UTP14C: variants seen among roughly 807,000 people sequenced by gnomAD.
The protein encoded by UTP14C is UTP14C small subunit processome component, also known as U3 small nucleolar RNA-associated protein 14 homolog C.
In UTP14C, 10 loss-of-function variants were observed where a neutral mutation model predicts 14.6. The observed-to-expected ratio is 0.68, with a 90% CI of 0.42 to 1.16. The LOEUF (loss-of-function observed/expected upper bound fraction) is 1.16. Among genes scored for constraint, UTP14C ranks in the 50% most tolerant of loss-of-function variants. The pLI, the probability that UTP14C is intolerant of heterozygous loss-of-function variation, is 0.00. For missense variants in UTP14C, 818 were observed against 890.8 expected, an observed-to-expected ratio of 0.92 and a Z score of 1.04; for synonymous variants, 315 against 331.6, an observed-to-expected ratio of 0.95 and a Z score of 0.54.
chr13:52,029,899 G>C lies in UTP14C; in HGVS notation c.1095G>C (p.Met365Ile). The change falls in exon 2 of 2, where the codon ATG becomes ATC. Residue 365 changes from methionine (M) to isoleucine (I), a missense_variant. Met to Ile is a conservative substitution (Grantham distance 10). Transcript: ENST00000521776. ...CTCATGTAGCGAATGAAGTGCAGAT[G>C]AATGTGGACGGACCGAATCCCTGGA... ...LVPHVANEVQ[M>I]NVDGPNPWMF... 1 of 1,614,208 alleles carries C rather than the reference G, an allele frequency of 6.2e-7. No individual in the cohort carries two copies. The highest frequency in any genetic ancestry group is 8.5e-7 in the Non-Finnish European group (1 of 1,180,036).
Position 52,024,910 on chromosome 13 carries a change from A to T in UTP14C, c.-514A>T. 6.2e-7 allele frequency: 1 copy of T among 1,611,246 alleles called. No individual in the cohort carries two copies. Among genetic ancestry groups the T allele is most frequent in the Non-Finnish European group, 8.5e-7 (1 of 1,180,026 alleles). The stretch of plus-strand genomic sequence containing the variant: ...GTCTGAAGCAACAATTGGTCTGCAT[A>T]CCATGTGGAACGAGCATTTTGGGAT... On this transcript the variant is annotated 5_prime_UTR_variant, in exon 1 of 2. Coordinates refer to ENST00000521776, the MANE Select transcript of UTP14C (RefSeq NM_021645.6).
In UTP14C at chr13:52,028,699, A is replaced by G. The variant is rs1954266062; in HGVS notation, c.-106A>G. ...TTTGTCAAATCATTTTACTTTAGAA[A>G]ACAGACAAAATTTCCTTTTAGAATA... is the stretch of plus-strand genomic sequence containing the variant. On this transcript the variant is annotated 5_prime_UTR_variant, in exon 2 of 2. Coordinates refer to ENST00000521776, the MANE Select transcript of UTP14C (RefSeq NM_021645.6). The G allele has an allele frequency of 6.4e-7, 1 of 1,573,908 alleles. No individual in the cohort carries two copies. Among genetic ancestry groups the G allele is most frequent in the East Asian group, 2.3e-5 (1 of 43,358 alleles).
At position 52,030,160 on chromosome 13, in the gene UTP14C, G is replaced by T; in HGVS notation, c.1356G>T (p.Gln452His). The part of the protein sequence containing the change: ...SSQETKDSSS[Q>H]EVLSELRALS... ...AAGAAACAAAAGATTCTAGCAGCCAGGAGGTGCTGTCCGAATTGAGGGCAC... is the reference window on the plus strand; with the variant it reads ...AAGAAACAAAAGATTCTAGCAGCCATGAGGTGCTGTCCGAATTGAGGGCAC... The change falls in exon 2 of 2, where the codon CAG becomes CAT. Residue 452 changes from glutamine to histidine, a missense_variant. Physicochemically the swap from Gln to His is conservative, Grantham distance 24 (BLOSUM62 0). Coordinates refer to ENST00000521776, the MANE Select transcript of UTP14C (RefSeq NM_021645.6). 6.2e-7 allele frequency: 1 copy of T among 1,614,216 alleles called. No homozygotes were observed. Among genetic ancestry groups the T allele is most frequent in the Non-Finnish European group, 8.5e-7 (1 of 1,180,040 alleles).
rs149032027 is a variant in UTP14C, at chr13:52,028,331, G to T, written c.-474G>T. On this transcript the variant is annotated 5_prime_UTR_variant, in exon 2 of 2. Transcript: ENST00000521776. ...TTTTTTTTCTCAGGAGTTGTGGAGT[G>T]TATGGCAGCTGGCACAATTATCCTT... 1.4e-5 allele frequency: 22 copies of T among 1,614,022 alleles called. No homozygotes were observed. In the African/African-American group the frequency reaches 2.4e-4, roughly 18 times the overall value.
Position 52,031,922 on chromosome 13 carries a change from GA to G in UTP14C, c.*821del, listed in dbSNP as rs1954310188. The G allele has an allele frequency of 6.0e-6, 1 of 167,014 alleles. No homozygotes were observed. Among genetic ancestry groups the G allele is most frequent in the African/African-American group, 2.4e-5 (1 of 41,446 alleles). 10.3% of individuals were successfully genotyped at this position (167,014 alleles called of 1,614,324 possible). On this transcript the variant is annotated 3_prime_UTR_variant, in exon 2 of 2. Transcript: ENST00000521776. ...GATGGAAAGTAGATGAAACTACTTT[GA>G]AAATTACGACAGTTAAGGGCTGGGT...
chr13:52,030,346 G>C lies in UTP14C; in HGVS notation c.1542G>C (p.Glu514Asp), dbSNP rs776882143. ...ERVQTLEELE[E>D]LGKEDCFQNK... ...TACAAACTCTGGAAGAGCTAGAAGA[G>C]CTGGGAAAAGAAGATTGTTTTCAAA... The change falls in exon 2 of 2, where the codon GAG (glutamate) becomes GAC (aspartate). Residue 514 changes from glutamate to aspartate, a missense_variant. By Grantham distance (45) the Glu-to-Asp change is conservative (BLOSUM62 2). Transcript: ENST00000521776. The C allele has an allele frequency of 3.1e-6, 5 of 1,614,214 alleles. No individual in the cohort carries two copies. Among genetic ancestry groups the C allele is most frequent in the Non-Finnish European group, 3.4e-6 (4 of 1,180,038 alleles).
In UTP14C at chr13:52,029,164, C is replaced by G; in HGVS notation, c.360C>G (p.Asn120Lys). The part of the protein sequence containing the change: ...KSKKVVELPL[N>K]KEKIEQIHRE... ...AGAAGGTGGTGGAGTTACCTCTTAA[C>G]AAAGAAAAAATTGAACAGATCCACA... Residue 120 changes from asparagine (N) to lysine (K), a missense_variant, in exon 2 of 2, where the codon AAC (asparagine) becomes AAG (lysine). Physicochemically the swap from Asn to Lys is moderately conservative, Grantham distance 94. Transcript: ENST00000521776. 1 of 1,614,130 alleles carries G rather than the reference C, an allele frequency of 6.2e-7. No homozygotes were observed. The highest frequency in any genetic ancestry group is 1.1e-5 in the South Asian group (1 of 91,082).
intron 1 of UTP14C, among the ~76,000 whole-genome samples, chr13:52,026,257 T>G (rs1593904487): frequency 6.7e-6 from 1 of 149,504 alleles, no homozygotes; most frequent in East Asian, 2.0e-4. Flanking sequence ...GAGGGGAGAG[T>G]CTCCAGCAGA....
At position 52,033,027 on chromosome 13, in the gene UTP14C, C is replaced by T. The variant is rs557881166; in HGVS notation, c.*1922C>T. ...AGGAAGAAAAAGTTTTCTGGAATTCCGTAAATTATATTTTAAGCTTATTTC... is the reference window on the plus strand; with the variant it reads ...AGGAAGAAAAAGTTTTCTGGAATTCTGTAAATTATATTTTAAGCTTATTTC... On this transcript the variant is annotated 3_prime_UTR_variant, in exon 2 of 2. Transcript: ENST00000521776. 6 of 167,090 alleles carry T rather than the reference C, an allele frequency of 3.6e-5. No individual in the cohort carries two copies. The highest frequency in any genetic ancestry group is 1.2e-4 in the African/African-American group (5 of 41,540). 10.4% of individuals were successfully genotyped at this position (167,090 alleles called of 1,614,324 possible).
chr13:52,025,359 C>A (rs150350557), intron 1 of UTP14C, among the ~76,000 whole-genome samples: 1 of 152,158 alleles, frequency 6.6e-6, no homozygotes. Context: ...TCCATCTAAC[C>A]CCACTACATA....
At position 52,028,916 on chromosome 13, in the gene UTP14C, GGA is replaced by G. The variant is rs773102880; in HGVS notation, c.119_120del (p.Arg40LysfsTer13). ...AAATGAAGATGAGGGGGACAGTGAT[GGA>G]GAGAGAAAGCATCAAAAGCTTCTGG... ...SENEDEGDSD[G>X]ERKHQKLLEA... On this transcript the variant is annotated frameshift_variant, in exon 2 of 2. Coordinates refer to ENST00000521776, the MANE Select transcript of UTP14C (RefSeq NM_021645.6). LOFTEE classifies it low-confidence loss of function (END_TRUNC). 6.2e-7 allele frequency: 1 copy of G among 1,614,196 alleles called. No homozygotes were observed. Among genetic ancestry groups the G allele is most frequent in the South Asian group, 1.1e-5 (1 of 91,076 alleles).
In UTP14C at chr13:52,028,808, A is replaced by C; in HGVS notation, c.4A>C (p.Asn2His). The C allele has an allele frequency of 6.2e-7, 1 of 1,614,256 alleles. No homozygotes were observed. The highest frequency in any genetic ancestry group is 8.5e-7 in the Non-Finnish European group (1 of 1,180,048). M[N>H]VNQVAENLAL... ...ATGAGAGAGGCTGGCTGCTGAGATG[A>C]ATGTGAACCAGGTTGCAGAGAATCT... is the stretch of plus-strand genomic sequence containing the variant. Residue 2 changes from asparagine to histidine, a missense_variant, in exon 2 of 2, where the codon AAT becomes CAT. Transcript: ENST00000521776.
chr13:52,028,201 A>G (rs183587983), intron 1 of UTP14C, 118 bp from the exon 2 acceptor site: 2 of 1,181,198 alleles, frequency 1.7e-6, no homozygotes, highest in East Asian at 2.4e-5. Context: ...GTCTAGACAT[A>G]CATTTAATTA....
chr13:52,029,035 T>G lies in UTP14C; in HGVS notation c.231T>G (p.Ser77=). The stretch of plus-strand genomic sequence containing the variant: ...AAGTGTCAGAGTTCAGTGTCAGTTC[T>G]GAAGGATCAGGAGAAAAGCTGGGCC... ...SLKVSEFSVS[S]EGSGEKLGLA... The change falls in exon 2 of 2, where the codon TCT becomes TCG. Residue 77 remains serine, a synonymous_variant. Transcript: ENST00000521776. The G allele has an allele frequency of 6.2e-7, 1 of 1,614,252 alleles. No individual in the cohort carries two copies. The highest frequency in any genetic ancestry group is 1.3e-5 in the African/African-American group (1 of 75,068).
In UTP14C at chr13:52,028,732, G is replaced by A. The variant is rs1173189896; in HGVS notation, c.-73G>A. Reference sequence around the variant, plus strand: ...AAATTTCCTTTTAGAATAAAAGGAAGTGTTGAAAAGAAAATGGATGACTAG... The same window carrying A: ...AAATTTCCTTTTAGAATAAAAGGAAATGTTGAAAAGAAAATGGATGACTAG... On this transcript the variant is annotated 5_prime_UTR_variant, in exon 2 of 2. It adds an upstream start codon to the 5' untranslated region. Transcript: ENST00000521776. 6.2e-7 allele frequency: 1 copy of A among 1,601,068 alleles called. No individual in the cohort carries two copies. The highest frequency in any genetic ancestry group is 8.5e-7 in the Non-Finnish European group (1 of 1,169,720).
chr13:52,029,144 G>A lies in UTP14C; in HGVS notation c.340G>A (p.Val114Met). The change falls in exon 2 of 2, where the codon GTG becomes ATG. Residue 114 changes from valine to methionine, a missense_variant. Val to Met is a conservative substitution (Grantham distance 21). Transcript: ENST00000521776. ...KQLNRVKSKK[V>M]VELPLNKEKI... ...ACTGAATAGAGTCAAATCAAAGAAG[G>A]TGGTGGAGTTACCTCTTAACAAAGA... The A allele has an allele frequency of 6.2e-7, 1 of 1,614,206 alleles. No homozygotes were observed.
At position 52,028,981 on chromosome 13, in the gene UTP14C, A is replaced by G; in HGVS notation, c.177A>G (p.Lys59=). 1.9e-6 allele frequency: 3 copies of G among 1,614,230 alleles called. No homozygotes were observed. Among genetic ancestry groups the G allele is most frequent in the Non-Finnish European group, 2.5e-6 (3 of 1,180,032 alleles). Residue 59 remains lysine, a synonymous_variant, in exon 2 of 2, where the codon AAA becomes AAG. Transcript: ENST00000521776. ...IISLDGKNRR[K]LAERSEASLK... is the part of the protein sequence containing the mutation. Reference sequence around the variant, plus strand: ...CCCTTGATGGAAAGAATAGGCGGAAATTGGCTGAGAGGTCTGAGGCTAGTC... The same window carrying G: ...CCCTTGATGGAAAGAATAGGCGGAAGTTGGCTGAGAGGTCTGAGGCTAGTC...
chr13:52,025,434 A>G (rs1270452402), intron 1 of UTP14C, among the ~76,000 whole-genome samples: 1 of 152,204 alleles, frequency 6.6e-6, no homozygotes, highest in Non-Finnish European at 1.5e-5. Context: ...GAATCTCTGG[A>G]CAAGGCCCAG....
chr13:52,024,970 C>T, intron 1 of UTP14C, 33 bp downstream of exon 1: 1 of 1,570,574 alleles, frequency 6.4e-7, no homozygotes, highest in South Asian at 1.1e-5. Flanking sequence ...TTGTTTGGTG[C>T]CATGAGATAC....
Sources: gnomAD v4.1 joint callset for allele counts (sites outside exome capture counted in the v4.1 genomes callset) on GRCh38, gnomAD v4.1.1 for gene constraint, MANE v1.5 for transcripts, NCBI Gene and HGNC (gene_info 2026-07-23, HGNC 2026-07-21) for gene names.